C7orf78: variants seen among roughly 807,000 people sequenced by gnomAD.
The protein encoded by C7orf78 is putative uncharacterized protein C7orf78.
chr7:12,535,655 C>A, the C7orf78 span, among the ~76,000 whole-genome samples: 7 of 152,188 alleles, frequency 4.6e-5, no homozygotes, highest in Admixed American at 3.9e-4. Flanking sequence ...GGTCCAACAT[C>A]TCTTCTGAAA....
chr7:12,529,787 T>G, the C7orf78 span, among the ~76,000 whole-genome samples: 1 of 152,218 alleles, frequency 6.6e-6, no homozygotes, highest in African/African-American at 2.4e-5. Context: ...AAGAAAGAAT[T>G]CAAGGGCGGG....
chr7:12,506,983 T>C, the C7orf78 span: 1 of 466,654 alleles, frequency 2.1e-6, no homozygotes, highest in Non-Finnish European at 4.3e-6. Flanking sequence ...AGGAAGCAAA[T>C]AAAACCAAAG....
the C7orf78 span, among the ~76,000 whole-genome samples, chr7:12,498,776 T>C: frequency 1.3e-5 from 2 of 148,424 alleles, no homozygotes; most frequent in African/African-American, 5.0e-5. Flanking sequence ...CCAAGACACA[T>C]AATTGTCAGA....
chr7:12,495,625 T>C, the C7orf78 span, among the ~76,000 whole-genome samples: 1 of 152,218 alleles, frequency 6.6e-6, no homozygotes, highest in Non-Finnish European at 1.5e-5. Flanking sequence ...ATATTACTTA[T>C]TTTTTCCAAG....
At chr7:12,539,312 A>G in the C7orf78 span, among the ~76,000 whole-genome samples, 1 of 151,984 alleles carries the variant, frequency 6.6e-6, no homozygotes, top group Non-Finnish European at 1.5e-5. Context: ...AAAATACAAA[A>G]AATTAGCCGG....
At chr7:12,494,619 A>G in the C7orf78 span, among the ~76,000 whole-genome samples, 7 of 56,112 alleles carry the variant, frequency 1.2e-4, no homozygotes, top group African/African-American at 9.1e-4. Context: ...GCATAGCCCT[A>G]CTTTGTAAAC....
At chr7:12,524,928 A>G in the C7orf78 span, among the ~76,000 whole-genome samples, 3 of 152,092 alleles carry the variant, frequency 2.0e-5, no homozygotes, top group African/African-American at 7.2e-5. Flanking sequence ...TAGCTGAATT[A>G]ACTTGCTTCT....
the C7orf78 span, among the ~76,000 whole-genome samples, chr7:12,486,011 T>C: frequency 6.6e-6 from 1 of 152,236 alleles, no homozygotes; most frequent in Middle Eastern, 3.4e-3. Flanking sequence ...CTCCACTGAT[T>C]CAAGGTTTTA....
At chr7:12,503,591 A>G in the C7orf78 span, among the ~76,000 whole-genome samples, 1 of 151,830 alleles carries the variant, frequency 6.6e-6, no homozygotes, top group Non-Finnish European at 1.5e-5. Context: ...ACTTTTGTAT[A>G]TATTTGAAGT....
chr7:12,508,070 CT>C, the C7orf78 span, among the ~76,000 whole-genome samples: 2 of 152,140 alleles, frequency 1.3e-5, no homozygotes, highest in Non-Finnish European at 2.9e-5. Flanking sequence ...GTCTGTAAGC[CT>C]TTTTATATGA....
chr7:12,490,054 GTTA>G, the C7orf78 span, among the ~76,000 whole-genome samples: 1 of 151,970 alleles, frequency 6.6e-6, no homozygotes, highest in African/African-American at 2.4e-5. Context: ...ATATAGAATG[GTTA>G]TTTTCTTGCT....
chr7:12,484,070 GA>G, the C7orf78 span: 2 of 152,086 alleles, frequency 1.3e-5, no homozygotes, highest in African/African-American at 2.4e-5. Context: ...AATGGATATT[GA>G]AAAATAGATA....
chr7:12,507,049 C>T, the C7orf78 span: 9 of 400,082 alleles, frequency 2.2e-5, no homozygotes, highest in Non-Finnish European at 3.9e-5. Context: ...CCCTGTAATC[C>T]CAGCACTTTG....
At chr7:12,523,099 T>C in the C7orf78 span, 5 of 398,254 alleles carry the variant, frequency 1.3e-5, no homozygotes, top group Non-Finnish European at 2.2e-5. Context: ...GGAAAAAAAG[T>C]GTTCTGCAAC....
chr7:12,538,569 T>A, the C7orf78 span: 7 of 152,350 alleles, frequency 4.6e-5, no homozygotes, highest in South Asian at 1.5e-3. Flanking sequence ...GACAGAGGCC[T>A]CATTTGGCAC....
At chr7:12,513,070 T>G in the C7orf78 span, among the ~76,000 whole-genome samples, 11 of 151,886 alleles carry the variant, frequency 7.2e-5, no homozygotes, top group African/African-American at 2.7e-4. Context: ...TTCTTGGTTA[T>G]TCTATCTAGT....
chr7:12,519,951 A>AC, the C7orf78 span, among the ~76,000 whole-genome samples: 1 of 152,160 alleles, frequency 6.6e-6, no homozygotes, highest in Non-Finnish European at 1.5e-5. Flanking sequence ...AGTGTGTGTG[A>AC]CCCAGTGCAT....
chr7:12,495,423 G>C, the C7orf78 span, among the ~76,000 whole-genome samples: 1 of 152,108 alleles, frequency 6.6e-6, no homozygotes, highest in African/African-American at 2.4e-5. Context: ...TCGTCTTATT[G>C]TGCTGATATG....
the C7orf78 span, among the ~76,000 whole-genome samples, chr7:12,485,076 C>T: frequency 6.6e-6 from 1 of 151,742 alleles, no homozygotes; most frequent in South Asian, 2.1e-4. Flanking sequence ...CCATCATTCA[C>T]TAATTGCCTG....
Sources: allele counts gnomAD v4.1 joint callset (sites outside exome capture counted in the v4.1 genomes callset), GRCh38; gene constraint gnomAD v4.1.1; transcripts MANE v1.5; gene names NCBI Gene and HGNC (gene_info 2026-07-23, HGNC 2026-07-21).